Variants in MPPED1 observed in about 807,000 individuals in gnomAD.
MPPED1 encodes metallophosphoesterase domain-containing protein 1.
In MPPED1, 16 loss-of-function variants were observed where a neutral mutation model predicts 36.2. The observed-to-expected ratio is 0.44, with a 90% CI of 0.30 to 0.67. MPPED1 has a LOEUF of 0.67. Among genes scored for constraint, MPPED1 ranks in the 30% least tolerant of loss-of-function variants. The pLI is 0.10. For synonymous variants in MPPED1, 199 were observed against 191.3 expected (o/e 1.04, Z -0.33); for missense variants, 307 against 453.4 (o/e 0.68, Z 2.93).
At chr22:43,419,442 A>G (rs971284948) in intron 1 of MPPED1, among the ~76,000 whole-genome samples, 1 of 152,052 alleles carries the variant, frequency 6.6e-6, no homozygotes, top group Non-Finnish European at 1.5e-5. Flanking sequence ...GGCCTTCTGG[A>G]CAGAGGGAAT....
intron 4 of MPPED1, among the ~76,000 whole-genome samples, chr22:43,475,554 T>A (rs1222273580): frequency 5.0e-5 from 1 of 20,026 alleles, no homozygotes; most frequent in Non-Finnish European, 1.6e-4. Context: ...GTGATGGTGA[T>A]GGTGGTGATG....
chr22:43,500,091 A>G (rs1358741720), intron 5 of MPPED1, among the ~76,000 whole-genome samples: 9 of 69,746 alleles, frequency 1.3e-4, no homozygotes, highest in Admixed American at 2.9e-4. Flanking sequence ...GGTGATGGCG[A>G]TGGAGGTGGT....
At chr22:43,420,468 G>T (rs1040495606) in intron 1 of MPPED1, among the ~76,000 whole-genome samples, 2 of 151,426 alleles carry the variant, frequency 1.3e-5, no homozygotes, top group African/African-American at 4.9e-5. Context: ...GCAGTGGCAC[G>T]ATCTCGGCTG....
Position 43,497,498 on chromosome 22 carries a change from A to T in MPPED1, c.633-737A>T, listed in dbSNP as rs186021531. Among the ~76,000 whole-genome samples, 16 of 152,188 alleles carry T rather than the reference A, an allele frequency of 1.1e-4. No homozygotes were observed. The East Asian group carries it at 2.9e-3, about 28-fold the overall frequency. On this transcript the variant is annotated intron_variant, in intron 4 of 6. Transcript: ENST00000443721. ...ACTGTTTATACACAGGGATGATAGTATCCACTTTTCTTCTTGAAAAGAGAC... is the reference window on the plus strand; with the variant it reads ...ACTGTTTATACACAGGGATGATAGTTTCCACTTTTCTTCTTGAAAAGAGAC...
chr22:43,453,991 T>C (rs1481690642), intron 3 of MPPED1, among the ~76,000 whole-genome samples: 1 of 152,088 alleles, frequency 6.6e-6, no homozygotes, highest in African/African-American at 2.4e-5. Flanking sequence ...ACTTTCTTTT[T>C]TAAAATTTAA....
At chr22:43,478,898 C>G (rs931728552) in intron 4 of MPPED1, among the ~76,000 whole-genome samples, 5 of 152,170 alleles carry the variant, frequency 3.3e-5, no homozygotes, top group African/African-American at 1.2e-4. Context: ...GCGTGCGACA[C>G]TACCCTACGA....
At chr22:43,412,204 C>T in intron 1 of MPPED1, 46 bp downstream of exon 1, 1 of 948,700 alleles carries the variant, frequency 1.1e-6, no homozygotes. Flanking sequence ...GGCGGGAGGC[C>T]GGGCGCGGGG....
intron 3 of MPPED1, among the ~76,000 whole-genome samples, chr22:43,466,501 A>G (rs565940318): frequency 6.6e-6 from 1 of 152,334 alleles, no homozygotes; most frequent in Admixed American, 6.5e-5. Flanking sequence ...CCGAAATGCA[A>G]TGAAAATGGC....
At chr22:43,451,352 C>T (rs574543034) in intron 3 of MPPED1, among the ~76,000 whole-genome samples, 2 of 152,242 alleles carry the variant, frequency 1.3e-5, no homozygotes, top group East Asian at 1.9e-4. Flanking sequence ...AGAGGACTTC[C>T]GCTTTTTAAA....
chr22:43,441,934 T>A (rs1322364141), intron 3 of MPPED1, among the ~76,000 whole-genome samples: 1 of 152,210 alleles, frequency 6.6e-6, no homozygotes, highest in African/African-American at 2.4e-5. Context: ...GCCGGCGGAA[T>A]GGGCACCTTC....
intron 3 of MPPED1, among the ~76,000 whole-genome samples, chr22:43,441,762 A>G (rs1383968537): frequency 2.0e-5 from 3 of 152,132 alleles, no homozygotes; most frequent in Admixed American, 1.3e-4. Context: ...TCCATGAGGG[A>G]GGAAGGGGGA....
At chr22:43,436,600 C>G (rs1268299689) in intron 3 of MPPED1, among the ~76,000 whole-genome samples, 1 of 152,266 alleles carries the variant, frequency 6.6e-6, no homozygotes, top group African/African-American at 2.4e-5. Context: ...GGGATTCTCC[C>G]CTTGCCCACA....
intron 1 of MPPED1, 95 bp downstream of exon 1, chr22:43,412,253 C>T: frequency 1.2e-6 from 1 of 806,320 alleles, no homozygotes; most frequent in Middle Eastern, 6.3e-4. Flanking sequence ...GCGACGCCCG[C>T]GGCGCTGCGC....
At chr22:43,447,885 T>TATATATATATATA (rs1601966891) in intron 3 of MPPED1, among the ~76,000 whole-genome samples, 74 of 25,046 alleles carry the variant, frequency 3.0e-3, no homozygotes, top group Admixed American at 7.1e-3. Context: ...ATATATATAT[T>TATATATATATATA]TTTTTTTTTT....
chr22:43,438,072 T>C (rs1397869636), intron 3 of MPPED1, among the ~76,000 whole-genome samples: 1 of 152,158 alleles, frequency 6.6e-6, no homozygotes, highest in Non-Finnish European at 1.5e-5. Context: ...GCCAGGTGTG[T>C]CGCAAGCCCT....
intron 3 of MPPED1, among the ~76,000 whole-genome samples, chr22:43,461,649 G>T (rs1331103635): frequency 6.6e-6 from 1 of 152,164 alleles, no homozygotes; most frequent in Non-Finnish European, 1.5e-5. Context: ...GCTGCTCATA[G>T]CAAGAGAGAT....
intron 3 of MPPED1, among the ~76,000 whole-genome samples, chr22:43,438,194 G>A (rs899137986): frequency 1.3e-5 from 2 of 152,154 alleles, no homozygotes; most frequent in African/African-American, 2.4e-5. Flanking sequence ...GAGAGCTATG[G>A]GGTCTGTCTG....
At chr22:43,467,614 G>T (rs1487437324) in intron 3 of MPPED1, among the ~76,000 whole-genome samples, 1 of 152,202 alleles carries the variant, frequency 6.6e-6, no homozygotes, top group African/African-American at 2.4e-5. Context: ...CGAGAAGTCT[G>T]CTAATGTGAA....
intron 3 of MPPED1, among the ~76,000 whole-genome samples, chr22:43,451,922 C>G (rs532218769): frequency 6.6e-6 from 1 of 152,180 alleles, no homozygotes; most frequent in Non-Finnish European, 1.5e-5. Context: ...CTGCTCCTGC[C>G]GGAGTGCCAA....
Sources: gnomAD v4.1 joint callset for allele counts (sites outside exome capture counted in the v4.1 genomes callset) on GRCh38, gnomAD v4.1.1 for gene constraint, MANE v1.5 for transcripts, NCBI Gene and HGNC (gene_info 2026-07-23, HGNC 2026-07-21) for gene names.